The following TFEC variants were observed in gnomAD, a reference collection of about 807,000 sequenced individuals.
TFEC encodes transcription factor EC.
Under a neutral mutation model 41.6 loss-of-function variants are expected in TFEC, and 31 were observed. The observed-to-expected ratio is 0.74, with a 90% CI of 0.56 to 1.01. The LOEUF (loss-of-function observed/expected upper bound fraction) is 1.01, where lower values mean the gene tolerates loss of function less well. TFEC is among the 50% of genes least tolerant of loss of function. The pLI, the probability that TFEC is intolerant of heterozygous loss-of-function variation, is 0.00. For synonymous variants in TFEC, 143 were observed against 140.6 expected (o/e 1.02, Z -0.12); for missense variants, 402 against 404.1 (o/e 0.99, Z 0.04).
chr7:116,027,976 T>C (rs1167221551), intron 1 of TFEC, among the ~76,000 whole-genome samples: 3 of 152,124 alleles, frequency 2.0e-5, no homozygotes, highest in African/African-American at 4.8e-5. Context: ...ATCATTAGGC[T>C]CAACTTCCCT....
intron 1 of TFEC, chr7:116,159,764 A>C (rs1436348402): frequency 6.6e-6 from 1 of 152,138 alleles, no homozygotes; most frequent in Non-Finnish European, 1.5e-5. Flanking sequence ...TGTAGTTCCA[A>C]TTAAATAATT....
rs766254036 is a variant in TFEC at position 115,937,320 on chromosome 7, C to CT, written c.*3230dup. 4 of 151,528 alleles carry CT rather than the reference C, an allele frequency of 2.6e-5. No homozygotes were observed. Among genetic ancestry groups the CT allele is most frequent in the Non-Finnish European group, 5.9e-5 (4 of 67,674 alleles). 9.4% of individuals were successfully genotyped at this position (151,528 alleles called of 1,614,324 possible). A position where few individuals can be genotyped will look rare whatever the true frequency, so the allele number is the denominator to read the frequency against. ...ATTAATAGTCCCATTACAGTTGATG[C>CT]TTTTTGTGACAGCATTGTTTGATAA... On this transcript the variant is annotated 3_prime_UTR_variant, in exon 8 of 8. Transcript: ENST00000265440.
intron 3 of TFEC, among the ~76,000 whole-genome samples, chr7:116,079,433 A>T (rs1405765237): frequency 6.6e-6 from 1 of 152,110 alleles, no homozygotes; most frequent in Non-Finnish European, 1.5e-5. Flanking sequence ...AGAAAACTCT[A>T]AAGACTCATC....
At chr7:116,080,977 G>GTGTATGTA (rs775697395) in intron 3 of TFEC, among the ~76,000 whole-genome samples, 497 of 33,022 alleles carry the variant, frequency 0.015, 3 homozygotes, top group African/African-American at 0.066. Context: ...AGAAAATGTA[G>GTGTATGTA]TGTGTGTGTG....
At position 116,006,448 on chromosome 7, in the gene TFEC, G is replaced by T. The variant is rs1794793083; in HGVS notation, c.-72-21935C>A. Among the ~76,000 whole-genome samples the T allele has an allele frequency of 2.0e-5, 3 of 152,148 alleles. No individual in the cohort carries two copies. In the South Asian group the frequency reaches 6.2e-4, roughly 32 times the overall value. ...CATTTTGGAAATTTAAGATTTGACTGCCCTGCCAGATTTCAGATTTGCATA... is the reference window on the plus strand; with the variant it reads ...CATTTTGGAAATTTAAGATTTGACTTCCCTGCCAGATTTCAGATTTGCATA... On this transcript the variant is annotated intron_variant, in intron 1 of 7. Coordinates refer to ENST00000265440, the MANE Select transcript of TFEC (RefSeq NM_012252.4).
chr7:115,954,821 G>A (rs1308278897), intron 4 of TFEC, among the ~76,000 whole-genome samples, 179 bp from the exon 5 acceptor site: 1 of 151,976 alleles, frequency 6.6e-6, no homozygotes, highest in African/African-American at 2.4e-5. Flanking sequence ...GAAAGGCAAT[G>A]GCAAAGCTTT....
intron 3 of TFEC, among the ~76,000 whole-genome samples, chr7:116,082,051 C>T (rs1797103453): frequency 6.6e-6 from 1 of 151,888 alleles, no homozygotes; most frequent in African/African-American, 2.4e-5. Context: ...TATTGCTATT[C>T]GTTTATACAT....
intron 5 of TFEC, among the ~76,000 whole-genome samples, chr7:115,952,865 C>T (rs1792020127): frequency 6.6e-6 from 1 of 152,062 alleles, no homozygotes; most frequent in African/African-American, 2.4e-5. Context: ...CTGGCCATGC[C>T]TCTCTCCACT....
chr7:116,099,264 T>C (rs1302450968), intron 3 of TFEC, among the ~76,000 whole-genome samples: 1 of 152,216 alleles, frequency 6.6e-6, no homozygotes, highest in African/African-American at 2.4e-5. Flanking sequence ...TCTCTTCTCT[T>C]GCAGATTTAC....
chr7:116,095,066 C>G (rs898617271), intron 3 of TFEC, among the ~76,000 whole-genome samples: 2 of 152,024 alleles, frequency 1.3e-5, no homozygotes, highest in African/African-American at 2.4e-5. Flanking sequence ...AATTAACAAG[C>G]GTAATACCCA....
intron 3 of TFEC, among the ~76,000 whole-genome samples, chr7:116,049,310 A>G (rs1332912156): frequency 5.3e-5 from 8 of 152,228 alleles, no homozygotes; most frequent in Non-Finnish European, 1.0e-4. Flanking sequence ...TGGAAAACAA[A>G]AAAAACAGGG....
At chr7:115,944,004 C>G (rs1305082288) in intron 6 of TFEC, among the ~76,000 whole-genome samples, 1 of 35,556 alleles carries the variant, frequency 2.8e-5, no homozygotes, top group Non-Finnish European at 9.1e-5. Flanking sequence ...AATACTATGA[C>G]AGGTCTGAAT....
intron 1 of TFEC, among the ~76,000 whole-genome samples, chr7:116,114,631 AG>A (rs1452761338): frequency 6.6e-6 from 1 of 151,982 alleles, no homozygotes; most frequent in Non-Finnish European, 1.5e-5. Flanking sequence ...GAAGATGAAG[AG>A]ACGTAGGTCC....
At chr7:116,115,040 T>C (rs1433012491) in intron 1 of TFEC, among the ~76,000 whole-genome samples, 2 of 151,956 alleles carry the variant, frequency 1.3e-5, no homozygotes, top group Admixed American at 1.3e-4. Flanking sequence ...ATGTCAGTAG[T>C]GTGGTCCTTT....
intron 1 of TFEC, among the ~76,000 whole-genome samples, chr7:116,012,397 T>G (rs1795033933): frequency 1.3e-5 from 2 of 152,192 alleles, no homozygotes; most frequent in Non-Finnish European, 2.9e-5. Flanking sequence ...TTTTCCATCC[T>G]CAGTATAGTG....
At chr7:116,147,625 A>G (rs1036537725) in intron 1 of TFEC, among the ~76,000 whole-genome samples, 91 of 136,368 alleles carry the variant, frequency 6.7e-4, no homozygotes, top group African/African-American at 2.5e-3. Context: ...TCATTGTTCA[A>G]TTCCCACCTA....
intron 3 of TFEC, among the ~76,000 whole-genome samples, chr7:116,042,809 A>G (rs1440069523): frequency 6.6e-6 from 1 of 152,128 alleles, no homozygotes; most frequent in South Asian, 2.1e-4. Context: ...CTTTAATTCA[A>G]TGGGGAAATT....
chr7:116,085,112 G>A (rs1023942871), intron 3 of TFEC, among the ~76,000 whole-genome samples: 1 of 151,888 alleles, frequency 6.6e-6, no homozygotes, highest in Non-Finnish European at 1.5e-5. Flanking sequence ...AGAAGGAACA[G>A]CATATGCAAA....
At chr7:116,118,548 C>A (rs972196153) in intron 1 of TFEC, among the ~76,000 whole-genome samples, 8 of 151,592 alleles carry the variant, frequency 5.3e-5, no homozygotes, top group African/African-American at 1.9e-4. Context: ...ACCTCTTTTG[C>A]CCCCTATATA....
Sources: gnomAD v4.1 joint callset for allele counts (sites outside exome capture counted in the v4.1 genomes callset) on GRCh38, gnomAD v4.1.1 for gene constraint, MANE v1.5 for transcripts, NCBI Gene and HGNC (gene_info 2026-07-23, HGNC 2026-07-21) for gene names.